The following CCDC141 variants were observed in gnomAD, a reference collection of about 807,000 sequenced individuals.
CCDC141 encodes the protein coiled-coil domain-containing protein 141.
A neutral mutation model predicts 181.0 loss-of-function variants in CCDC141; 168 were observed. The ratio of observed to expected loss-of-function variants is 0.93; its 90% CI spans 0.82 to 1.05. The LOEUF is 1.05. Among genes scored for constraint, CCDC141 ranks in the 50% least tolerant of loss-of-function variants. CCDC141 has a pLI of 0.00. For synonymous variants in CCDC141, 666 were observed against 642.3 expected (o/e 1.04, Z -0.56); for missense variants, 1,902 against 1,788.5 (o/e 1.06, Z -1.14).
intron 7 of CCDC141, among the ~76,000 whole-genome samples, chr2:178,916,969 G>A (rs1194927837): frequency 6.6e-6 from 1 of 151,648 alleles, no homozygotes; most frequent in Non-Finnish European, 1.5e-5. Context: ...GGCTTTTGCA[G>A]GAGATATTTC....
At chr2:178,847,899 G>A (rs1685007917) in intron 21 of CCDC141, among the ~76,000 whole-genome samples, 1 of 152,144 alleles carries the variant, frequency 6.6e-6, no homozygotes, top group Non-Finnish European at 1.5e-5. Context: ...ACCATGAAAG[G>A]TTAGAGTGAG....
chr2:178,978,001 A>G (rs13008198), intron 3 of CCDC141, among the ~76,000 whole-genome samples: 35,511 of 152,130 alleles, frequency 0.23, 5,537 homozygotes, highest in Non-Finnish European at 0.34. Flanking sequence ...GCCTTAGGAA[A>G]GTACTTATAA....
intron 5 of CCDC141, 143 bp downstream of exon 5, chr2:178,961,087 A>C: frequency 1.2e-6 from 1 of 817,252 alleles, no homozygotes; most frequent in Non-Finnish European, 1.9e-6. Flanking sequence ...GAAAAACAAC[A>C]TGGTAGTTTG....
At chr2:178,974,156 G>T (rs936257087) in intron 4 of CCDC141, among the ~76,000 whole-genome samples, 1 of 152,086 alleles carries the variant, frequency 6.6e-6, no homozygotes, top group African/African-American at 2.4e-5. Flanking sequence ...ATGATCTATT[G>T]TCTAGAGTCT....
At chr2:178,888,788 C>A in intron 8 of CCDC141, 120 bp from the exon 9 acceptor site, 1 of 1,066,276 alleles carries the variant, frequency 9.4e-7, no homozygotes, top group Non-Finnish European at 1.3e-6. Context: ...TTTAGGATAA[C>A]AGAAGTTAAG....
intron 4 of CCDC141, among the ~76,000 whole-genome samples, chr2:178,974,764 T>C (rs920205566): frequency 3.9e-5 from 6 of 152,158 alleles, no homozygotes; most frequent in African/African-American, 1.4e-4. Flanking sequence ...TGCTAGATGC[T>C]AAGGGTAAAG....
intron 6 of CCDC141, among the ~76,000 whole-genome samples, chr2:178,929,870 A>G (rs1484296929): frequency 2.0e-5 from 3 of 152,082 alleles, no homozygotes; most frequent in African/African-American, 7.2e-5. Flanking sequence ...GCCCCACTCT[A>G]AAGCTGATGA....
chr2:178,819,236 C>G, the CCDC141 span, among the ~76,000 whole-genome samples: 1 of 152,112 alleles, frequency 6.6e-6, no homozygotes, highest in Non-Finnish European at 1.5e-5. Context: ...CTGTCAAATT[C>G]CAGAATATAG....
intron 7 of CCDC141, among the ~76,000 whole-genome samples, chr2:178,913,702 C>T (rs955561234): frequency 6.6e-6 from 1 of 152,186 alleles, no homozygotes; most frequent in African/African-American, 2.4e-5. Flanking sequence ...GAAGCTATGA[C>T]AATTGTTACA....
chr2:178,839,206 G>T (rs1684615870), intron 22 of CCDC141, among the ~76,000 whole-genome samples: 1 of 152,268 alleles, frequency 6.6e-6, no homozygotes, highest in South Asian at 2.1e-4. Flanking sequence ...AAGGTCAGGA[G>T]ATAGAGACCA....
chr2:178,888,974 T>G (rs1351474031), intron 8 of CCDC141, among the ~76,000 whole-genome samples: 2 of 152,220 alleles, frequency 1.3e-5, no homozygotes, highest in East Asian at 3.8e-4. Flanking sequence ...AAAGCCACAG[T>G]ATGTTTACCA....
At chr2:179,015,105 A>ATCATATATATATATATACATATATATAT (rs1559048793) in intron 2 of CCDC141, among the ~76,000 whole-genome samples, 3,142 of 21,348 alleles carry the variant, frequency 0.15, 380 homozygotes, top group East Asian at 0.35. Flanking sequence ...TATATATATA[A>ATCATATATATATATATACATATATATAT]TATATATATA....
chr2:178,854,616 C>T (rs899142386), intron 19 of CCDC141, among the ~76,000 whole-genome samples: 2 of 152,152 alleles, frequency 1.3e-5, no homozygotes, highest in Admixed American at 1.3e-4. Flanking sequence ...AAACACATGA[C>T]TCTGTTAGAA....
At position 178,865,749 on chromosome 2, in the gene CCDC141, C is replaced by T. The variant is rs1257098704; in HGVS notation, c.2724+18G>A. ...AGCTTTTTGGCAATGTGCCAGTTCT[C>T]ACCCCTCCCACACCCACCTCATTTA... On this transcript the variant is annotated intron_variant, in intron 17 of 23. Transcript: ENST00000443758. The T allele has an allele frequency of 1.2e-5, 17 of 1,464,028 alleles. No homozygotes were observed. The highest frequency in any genetic ancestry group is 1.4e-5 in the Non-Finnish European group (15 of 1,101,538). 90.7% of individuals were successfully genotyped at this position (1,464,028 alleles called of 1,614,324 possible).
intron 17 of CCDC141, among the ~76,000 whole-genome samples, chr2:178,859,840 A>C (rs997597194): frequency 3.3e-5 from 5 of 152,212 alleles, no homozygotes; most frequent in African/African-American, 4.8e-5. Flanking sequence ...GCTTCTTTGG[A>C]AAGAAGCAGA....
At chr2:179,041,786 G>A (rs1575382692) in intron 2 of CCDC141, among the ~76,000 whole-genome samples, 2 of 152,024 alleles carry the variant, frequency 1.3e-5, no homozygotes, top group African/African-American at 4.8e-5. Context: ...AAAACAGACT[G>A]TAAACCAACA....
chr2:178,827,274 C>A (rs367872075), downstream of CCDC141, among the ~76,000 whole-genome samples: 59 of 152,184 alleles, frequency 3.9e-4, no homozygotes, highest in African/African-American at 1.4e-3. Flanking sequence ...AGAATGTGGT[C>A]TATCTTGGAA....
chr2:178,844,833 TTTGA>T (rs1334591491), intron 22 of CCDC141, among the ~76,000 whole-genome samples: 1 of 152,250 alleles, frequency 6.6e-6, no homozygotes, highest in African/African-American at 2.4e-5. Flanking sequence ...TAATGTTGAC[TTTGA>T]TTGTTCCTTC....
chr2:178,984,524 T>C (rs1691612893), intron 2 of CCDC141, among the ~76,000 whole-genome samples: 6 of 151,650 alleles, frequency 4.0e-5, no homozygotes, highest in Non-Finnish European at 5.9e-5. Context: ...GACTGGCAAA[T>C]TGGATAAAGA....
Sources: gnomAD v4.1 joint callset for allele counts (sites outside exome capture counted in the v4.1 genomes callset) on GRCh38, gnomAD v4.1.1 for gene constraint, MANE v1.5 for transcripts, NCBI Gene and HGNC (gene_info 2026-07-23, HGNC 2026-07-21) for gene names.